The following ANKH variants were observed in gnomAD, a reference collection of about 807,000 sequenced individuals.
ANKH encodes the protein mineralization regulator ANKH.
A neutral mutation model predicts 49.0 loss-of-function variants in ANKH; 15 were observed. That is an observed-to-expected ratio of 0.31 (90% CI 0.20 to 0.47). The LOEUF (loss-of-function observed/expected upper bound fraction) is 0.47. Among genes scored for constraint, ANKH ranks in the 20% least tolerant of loss-of-function variants. The probability of loss-of-function intolerance (pLI) is 1.00; values close to 1 mark genes in which losing one functional copy is unlikely to be tolerated. For missense variants in ANKH, 429 were observed against 652.0 expected (o/e 0.66, Z 3.72); for synonymous variants, 273 against 260.0 (o/e 1.05, Z -0.48).
At chr5:14,784,365 C>G (rs147548169) in intron 1 of ANKH, among the ~76,000 whole-genome samples, 1 of 152,300 alleles carries the variant, frequency 6.6e-6, no homozygotes, top group Admixed American at 6.5e-5. Context: ...CCTGGTGCTC[C>G]TTCCTCTGCA....
At chr5:14,792,578 G>C (rs1740203539) in intron 1 of ANKH, among the ~76,000 whole-genome samples, 1 of 152,158 alleles carries the variant, frequency 6.6e-6, no homozygotes, top group East Asian at 1.9e-4. Flanking sequence ...TGAAAGGAAA[G>C]AACGATTTGG....
chr5:14,776,059 G>A (rs563034936), intron 1 of ANKH, among the ~76,000 whole-genome samples: 98 of 152,318 alleles, frequency 6.4e-4, no homozygotes, highest in Admixed American at 1.7e-3. Flanking sequence ...GGGTCCCAAC[G>A]CCTGGCTCAT....
rs1183747083 is a variant in ANKH, at chr5:14,871,539, G to A, written c.-92C>T. On this transcript the variant is annotated 5_prime_UTR_variant, in exon 1 of 12. Transcript: ENST00000284268. ...GGCGACGGGGCGACGGGGCGAGCGG[G>A]GCGCGGGCCGACAGAGGCCGCGGGC... The A allele has an allele frequency of 2.2e-5, 21 of 964,018 alleles. No homozygotes were observed. In the South Asian group the frequency reaches 3.7e-4, roughly 17 times the overall value. 59.7% of individuals were successfully genotyped at this position (964,018 alleles called of 1,614,324 possible). A position where few individuals can be genotyped will look rare whatever the true frequency, so the allele number is the denominator to read the frequency against.
chr5:14,804,218 G>A (rs542610533), intron 1 of ANKH, among the ~76,000 whole-genome samples: 8 of 152,262 alleles, frequency 5.3e-5, no homozygotes, highest in African/African-American at 1.7e-4. Flanking sequence ...CTACAGAGAC[G>A]AAGGAACGGA....
intron 8 of ANKH, among the ~76,000 whole-genome samples, chr5:14,717,422 G>A (rs1284161347): frequency 6.6e-6 from 1 of 152,228 alleles, no homozygotes; most frequent in Non-Finnish European, 1.5e-5. Context: ...GTAAACTGAT[G>A]TAACAGACAC....
chr5:14,822,435 C>T (rs977755004), intron 1 of ANKH, among the ~76,000 whole-genome samples: 1 of 152,112 alleles, frequency 6.6e-6, no homozygotes, highest in East Asian at 1.9e-4. Flanking sequence ...TTTTTCCTAG[C>T]CATCTGAACA....
rs564844076 is a variant in ANKH, at chr5:14,748,727, G to A, written c.822+445C>T. ...CAGGCCGGGTCAACACGGAGGCAGC[G>A]CCCCTGCAGCCACTGGGTGTGTCCC... is the stretch of plus-strand genomic sequence containing the variant. On this transcript the variant is annotated intron_variant, in intron 6 of 11. Transcript: ENST00000284268. 1.4e-4 allele frequency among the ~76,000 whole-genome samples: 22 copies of A among 152,314 alleles called. No individual in the cohort carries two copies. In the South Asian group the frequency reaches 1.5e-3, roughly 10 times the overall value.
chr5:14,745,834 A>C lies in ANKH; in HGVS notation c.915+36T>G. 1 of 1,592,174 alleles carries C rather than the reference A, an allele frequency of 6.3e-7. No individual in the cohort carries two copies. Among genetic ancestry groups the C allele is most frequent in the Middle Eastern group, 1.7e-4 (1 of 6,020 alleles). ...CTGTCTATCAAGAAGTCATTTCAAA[A>C]GCATGTTTCAGACACGACACCGCAC... On this transcript the variant is annotated intron_variant, in intron 7 of 11. Coordinates refer to ENST00000284268, the MANE Select transcript of ANKH (RefSeq NM_054027.6). This position sits in a 1 kb window ranked among gnomAD's most constrained non-coding sequence, Gnocchi z 4.7.
chr5:14,821,612 A>G (rs551894209), intron 1 of ANKH, among the ~76,000 whole-genome samples: 3 of 152,396 alleles, frequency 2.0e-5, no homozygotes, highest in Admixed American at 1.3e-4. Flanking sequence ...AAACCAAAAC[A>G]TAAACATTCA....
At chr5:14,806,588 C>T (rs528531644) in intron 1 of ANKH, among the ~76,000 whole-genome samples, 2 of 152,242 alleles carry the variant, frequency 1.3e-5, no homozygotes, top group South Asian at 4.2e-4. Context: ...TCACGCTCCT[C>T]CTGCTCAAAG....
intron 1 of ANKH, among the ~76,000 whole-genome samples, chr5:14,787,472 G>A (rs1260758648): frequency 2.0e-5 from 3 of 152,168 alleles, no homozygotes; most frequent in Non-Finnish European, 2.9e-5. Flanking sequence ...GCTAGAGACT[G>A]ACATACACCA....
intron 1 of ANKH, among the ~76,000 whole-genome samples, chr5:14,793,891 G>T (rs1740288286): frequency 6.6e-6 from 1 of 152,236 alleles, no homozygotes; most frequent in African/African-American, 2.4e-5. Context: ...ATTGAACAAT[G>T]AATGGGGCGA....
intron 11 of ANKH, among the ~76,000 whole-genome samples, chr5:14,711,905 A>T (rs1445030599): frequency 1.3e-5 from 2 of 152,138 alleles, no homozygotes; most frequent in Non-Finnish European, 2.9e-5. Context: ...GCCATTATCG[A>T]CACACCAACA....
At position 14,711,192 on chromosome 5, in the gene ANKH, G is replaced by A. The variant is rs766251673; in HGVS notation, c.*5C>T. ...GTCCCTGCAGTGCCCATGGCGTCCCGTGCCTTATTCATTCTCCTCTCTCAT... is the reference window on the plus strand; with the variant it reads ...GTCCCTGCAGTGCCCATGGCGTCCCATGCCTTATTCATTCTCCTCTCTCAT... On this transcript the variant is annotated 3_prime_UTR_variant, in exon 12 of 12. Transcript: ENST00000284268. 5 of 1,611,254 alleles carry A rather than the reference G, an allele frequency of 3.1e-6. No individual in the cohort carries two copies. The highest frequency in any genetic ancestry group is 2.2e-5 in the East Asian group (1 of 44,870).
At chr5:14,856,127 C>T (rs1735237969) in intron 1 of ANKH, among the ~76,000 whole-genome samples, 1 of 151,720 alleles carries the variant, frequency 6.6e-6, no homozygotes, top group Non-Finnish European at 1.5e-5. Flanking sequence ...TGAGACCAGC[C>T]TGGGTAACAT....
At chr5:14,838,800 G>A (rs13436301) in intron 1 of ANKH, among the ~76,000 whole-genome samples, 15,926 of 152,098 alleles carry the variant, frequency 0.1, 1,322 homozygotes, top group East Asian at 0.44. Context: ...AAAACACTCC[G>A]TGGTGTGAAT....
rs755638254 is a variant in ANKH at position 14,741,879 on chromosome 5, G to A, written c.959C>T (p.Thr320Met). 12 of 1,614,020 alleles carry A rather than the reference G, an allele frequency of 7.4e-6. No homozygotes were observed. Among genetic ancestry groups the A allele is most frequent in the Middle Eastern group, 1.6e-4 (1 of 6,084 alleles). ...GGTGAACTTCTTGATGTGGGCTGCC[G>A]TGACTGTGTTGCTCGTGCTCACCAG... The part of the protein sequence containing the change: ...NKLVSTSNTV[T>M]AAHIKKFTFV... Residue 320 changes from threonine (T) to methionine (M), a missense_variant, in exon 8 of 12, where the codon ACG becomes ATG. By Grantham distance (81) the Thr-to-Met change is moderately conservative (BLOSUM62 -1). This residue lies in a region of ANKH where 378 missense variants were observed against 615.3 expected (regional missense o/e 0.61). Coordinates refer to ENST00000284268, the MANE Select transcript of ANKH (RefSeq NM_054027.6).
At position 14,737,540 on chromosome 5, in the gene ANKH, C is replaced by T. The variant is rs570775582; in HGVS notation, c.1011+4287G>A. Among the ~76,000 whole-genome samples, 78 of 152,282 alleles carry T rather than the reference C, an allele frequency of 5.1e-4. No homozygotes were observed. Among genetic ancestry groups the T allele is most frequent in the African/African-American group, 1.9e-3 (78 of 41,560 alleles). ...AGCCAGTCACATGAGCGACAGAGAC[C>T]GCAGCTGTCCAGGAAGGCTCAGGGC... On this transcript the variant is annotated intron_variant, in intron 8 of 11. Transcript: ENST00000284268. The surrounding 1 kb of genome is among the most constrained non-coding windows in gnomAD (Gnocchi z 5.0).
chr5:14,853,666 G>T (rs527336181), intron 1 of ANKH, among the ~76,000 whole-genome samples: 83 of 151,906 alleles, frequency 5.5e-4, no homozygotes, highest in Middle Eastern at 3.4e-3. Context: ...GGTTTTTTTT[G>T]TTTGTTTGTT....
Sources: gnomAD v4.1 joint callset for allele counts (sites outside exome capture counted in the v4.1 genomes callset) on GRCh38, gnomAD v4.1.1 for gene constraint, gnomAD v4.1.1 regional missense constraint, Gnocchi (gnomAD v3.1) non-coding constraint, MANE v1.5 for transcripts, NCBI Gene and HGNC (gene_info 2026-07-23, HGNC 2026-07-21) for gene names.